XRRA1: variants seen among roughly 807,000 people sequenced by gnomAD.
XRRA1 encodes X-ray radiation resistance associated 1, also known as X-ray radiation resistance-associated protein 1.
A neutral mutation model predicts 80.2 loss-of-function variants in XRRA1; 69 were observed. That is an observed-to-expected ratio of 0.86 (90% confidence interval 0.71 to 1.05). The LOEUF (loss-of-function observed/expected upper bound fraction) is 1.05. Ranked by LOEUF, XRRA1 falls within the 50% of genes least tolerant of loss-of-function variation. The pLI is 0.00. For synonymous variants in XRRA1, 348 were observed against 389.9 expected (o/e 0.89, Z 1.27); for missense variants, 967 against 976.4 (o/e 0.99, Z 0.13).
chr11:74,927,617 G>A, intron 6 of XRRA1, 129 bp from the exon 7 acceptor site: 1 of 541,380 alleles, frequency 1.8e-6, no homozygotes, highest in South Asian at 2.7e-5. Flanking sequence ...TACATACATG[G>A]CCTCTAAATC....
chr11:74,934,916 G>A (rs994430358), intron 4 of XRRA1, among the ~76,000 whole-genome samples: 3 of 152,160 alleles, frequency 2.0e-5, no homozygotes, highest in South Asian at 2.1e-4. Flanking sequence ...GGGGAAAGAC[G>A]AATGTACCAG....
At chr11:74,880,863 A>C (rs1357565007) in intron 10 of XRRA1, among the ~76,000 whole-genome samples, 1 of 151,530 alleles carries the variant, frequency 6.6e-6, no homozygotes, top group African/African-American at 2.4e-5. Flanking sequence ...ACATTTGCTG[A>C]GGAGAGTTTT....
chr11:74,899,627 C>T (rs1739920750), intron 10 of XRRA1, among the ~76,000 whole-genome samples: 1 of 152,132 alleles, frequency 6.6e-6, no homozygotes, highest in African/African-American at 2.4e-5. Context: ...CTATGAACAA[C>T]TATATGCCAA....
In XRRA1 at chr11:74,843,235, A is replaced by G; in HGVS notation, c.2368T>C (p.Cys790Arg). The change falls in exon 19 of 19, where the codon TGC becomes CGC. Residue 790 changes from cysteine (C) to arginine (R), a missense_variant. Cys to Arg is a radical substitution (Grantham distance 180). Coordinates refer to ENST00000684022, the MANE Select transcript of XRRA1 (RefSeq NM_001378157.1). ...GHFLEFMDEFCQEPTASDSQG is the reference protein window; with the variant it reads ...GHFLEFMDEFRQEPTASDSQG ...GAGTCACTGGCTGTGGGCTCCTGGC[A>G]GAACTCATCCATGAACTCGAGGAAG... The G allele has an allele frequency of 6.4e-7, 1 of 1,561,844 alleles. No individual in the cohort carries two copies. The highest frequency in any genetic ancestry group is 1.2e-5 in the South Asian group (1 of 84,626).
chr11:74,887,635 C>T (rs2049386053), intron 10 of XRRA1, among the ~76,000 whole-genome samples: 1 of 152,152 alleles, frequency 6.6e-6, no homozygotes, highest in Non-Finnish European at 1.5e-5. Flanking sequence ...ATTGCCTCAC[C>T]CAGGTAGCGC....
At chr11:74,859,050 C>A in intron 12 of XRRA1, 108 bp downstream of exon 12, 2 of 1,384,472 alleles carry the variant, frequency 1.4e-6, no homozygotes, top group Admixed American at 6.7e-5. Context: ...AGCCCATGTA[C>A]CTGTAATGCA....
At chr11:74,938,485 C>G (rs935293145) in intron 3 of XRRA1, among the ~76,000 whole-genome samples, 1 of 152,150 alleles carries the variant, frequency 6.6e-6, no homozygotes, top group Admixed American at 6.5e-5. Context: ...ATGCAAATAT[C>G]CTGTTTCTCA....
chr11:74,916,556 T>A (rs1477041731), intron 8 of XRRA1, among the ~76,000 whole-genome samples: 2 of 152,202 alleles, frequency 1.3e-5, no homozygotes, highest in Non-Finnish European at 2.9e-5. Context: ...TGTTAATATA[T>A]CATTTTCTTG....
At chr11:74,907,086 G>A (rs1426557383) in intron 9 of XRRA1, 59 bp downstream of exon 9, 7 of 1,606,832 alleles carry the variant, frequency 4.4e-6, no homozygotes, top group South Asian at 1.1e-5. Context: ...ACAGCACTCA[G>A]AGTGTGAGCA....
At chr11:74,935,895 G>T (rs1391718256) in intron 4 of XRRA1, among the ~76,000 whole-genome samples, 1 of 152,132 alleles carries the variant, frequency 6.6e-6, no homozygotes, top group East Asian at 1.9e-4. Flanking sequence ...AAGAAAAAAA[G>T]GCCACTATGG....
chr11:74,887,603 G>T (rs1472544449), intron 10 of XRRA1, among the ~76,000 whole-genome samples: 2 of 152,198 alleles, frequency 1.3e-5, no homozygotes, highest in South Asian at 2.1e-4. Context: ...CGCACCGAGT[G>T]TGAGCCAAAG....
intron 10 of XRRA1, among the ~76,000 whole-genome samples, chr11:74,904,672 T>C (rs1201903879): frequency 6.6e-6 from 1 of 152,032 alleles, no homozygotes; most frequent in Non-Finnish European, 1.5e-5. Flanking sequence ...TAAATTCTTC[T>C]ATGAAAAAAG....
intron 6 of XRRA1, among the ~76,000 whole-genome samples, chr11:74,929,936 G>A (rs961588371): frequency 2.0e-5 from 3 of 152,122 alleles, no homozygotes; most frequent in African/African-American, 7.2e-5. Context: ...AGCAGGGGTC[G>A]CTGTGGACTT....
At chr11:74,933,678 C>T in intron 5 of XRRA1, 123 bp downstream of exon 5, 1 of 798,146 alleles carries the variant, frequency 1.3e-6, no homozygotes, top group Non-Finnish European at 2.0e-6. Flanking sequence ...CCTCTCCCTC[C>T]TTCTTCGTGA....
intron 10 of XRRA1, among the ~76,000 whole-genome samples, chr11:74,874,858 C>T (rs1565289250): frequency 6.6e-6 from 1 of 152,148 alleles, no homozygotes; most frequent in Non-Finnish European, 1.5e-5. Context: ...ACGCTCTTCA[C>T]AAATGGAAGT....
chr11:74,910,716 A>G (rs2055687379), intron 8 of XRRA1: 1 of 152,296 alleles, frequency 6.6e-6, no homozygotes, highest in Non-Finnish European at 1.5e-5. Flanking sequence ...CATTTCAGAA[A>G]GATCACTCTG....
rs778428453 is a variant in XRRA1, at chr11:74,843,328, CTG to C, written c.2273_2274del (p.Thr758SerfsTer16). ...YRQLVSGSLR[T>X]VFGTTPLPMA... ...ATGGGGAGCGGGGTAGTCCCGAACA[CTG>C]TGCGCAGAGAGCCACTCACCAGCTG... On this transcript the variant is annotated frameshift_variant, in exon 19 of 19. Coordinates refer to ENST00000684022, the MANE Select transcript of XRRA1 (RefSeq NM_001378157.1). LOFTEE classifies it low-confidence loss of function (END_TRUNC). 40 of 1,608,482 alleles carry C rather than the reference CTG, an allele frequency of 2.5e-5. No individual in the cohort carries two copies. The African/African-American group carries it at 3.2e-4, about 13-fold the overall frequency.
intron 10 of XRRA1, among the ~76,000 whole-genome samples, chr11:74,899,201 T>C (rs978858981): frequency 6.6e-6 from 1 of 152,034 alleles, no homozygotes; most frequent in Non-Finnish European, 1.5e-5. Flanking sequence ...ATTTTAAAAT[T>C]TTCTTGAAAC....
chr11:74,844,927 A>G, intron 16 of XRRA1, 146 bp downstream of exon 16: 1 of 768,036 alleles, frequency 1.3e-6, no homozygotes, highest in Middle Eastern at 3.9e-4. Context: ...GGACACCCTA[A>G]AAGGAGCCCT....
Sources: gnomAD v4.1 joint callset for allele counts (sites outside exome capture counted in the v4.1 genomes callset) on GRCh38, gnomAD v4.1.1 for gene constraint, MANE v1.5 for transcripts, NCBI Gene and HGNC (gene_info 2026-07-23, HGNC 2026-07-21) for gene names.